The following SVIP variants were observed in gnomAD, a reference collection of about 807,000 sequenced individuals.
SVIP encodes small VCP/p97-interacting protein.
SVIP carries 14 observed loss-of-function variants against 12.9 expected under a neutral mutation model. The ratio of observed to expected loss-of-function variants is 1.08; its 90% confidence interval spans 0.72 to 1.70. SVIP has a LOEUF of 1.70. SVIP is among the 40% of genes most tolerant of loss of function. SVIP has a pLI of 0.00. For synonymous variants in SVIP, 35 were observed against 33.3 expected, an observed-to-expected ratio of 1.05 and a Z score of -0.17; for missense variants, 93 against 90.8, an observed-to-expected ratio of 1.02 and a Z score of -0.10.
intron 2 of SVIP, among the ~76,000 whole-genome samples, chr11:22,827,618 A>C (rs1468722107): frequency 2.6e-5 from 4 of 152,094 alleles, no homozygotes; most frequent in African/African-American, 9.7e-5. Context: ...AATTTAGAGA[A>C]GATATGATAG....
chr11:22,827,082 C>T, intron 3 of SVIP, 125 bp downstream of exon 3: 2 of 714,016 alleles, frequency 2.8e-6, no homozygotes, highest in South Asian at 1.7e-5. Flanking sequence ...ATTTACTACT[C>T]ATGCTTTTAA....
chr11:22,821,070 CACAT>C lies in SVIP; in HGVS notation c.*2045_*2048del, dbSNP rs1280345967. 2 of 148,272 alleles carry C rather than the reference CACAT, an allele frequency of 1.3e-5. No individual in the cohort carries two copies. Among genetic ancestry groups the C allele is most frequent in the African/African-American group, 4.9e-5 (2 of 40,448 alleles). 9.2% of individuals were successfully genotyped at this position (148,272 alleles called of 1,614,324 possible). ...GCATGTGTGTGTGTGTATATACACA[CACAT>C]ATATAAATTAGAATTTGCAGATATT... On this transcript the variant is annotated 3_prime_UTR_variant, in exon 4 of 4. Transcript: ENST00000354193.
At chr11:22,827,787 A>G (rs751536281) in intron 2 of SVIP, 37 bp downstream of exon 2, 72 of 1,544,464 alleles carry the variant, frequency 4.7e-5, no homozygotes, top group Non-Finnish European at 6.3e-5. Context: ...TCCAAACTCA[A>G]TTATCTAAGT....
At chr11:22,826,946 A>T (rs2134763394) in intron 3 of SVIP, among the ~76,000 whole-genome samples, 1 of 152,244 alleles carries the variant, frequency 6.6e-6, no homozygotes, top group Non-Finnish European at 1.5e-5. Context: ...ATTATTTAAG[A>T]TTAGTAGTAA....
At position 22,827,242 on chromosome 11, in the gene SVIP, C is replaced by A; in HGVS notation, c.184G>T (p.Ala62Ser). Residue 62 changes from alanine (A) to serine (S), a missense_variant, in exon 3 of 4, where the codon GCT (alanine) becomes TCT (serine). Physicochemically the swap from Ala to Ser is moderately conservative, Grantham distance 99. Coordinates refer to ENST00000354193, the MANE Select transcript of SVIP (RefSeq NM_148893.3). ...KKKEKIEKQI[A>S]TSGPPPEGGL... ...CCTTCTGGTGGGGGCCCGGATGTAG[C>A]AATTTGTTTTTCTATTTTTTCCTTT... 1 of 1,609,884 alleles carries A rather than the reference C, an allele frequency of 6.2e-7. No homozygotes were observed. Among genetic ancestry groups the A allele is most frequent in the African/African-American group, 1.3e-5 (1 of 74,520 alleles).
In SVIP at chr11:22,827,291, T is replaced by C; in HGVS notation, c.135A>G (p.Gln45=). 1 of 1,603,664 alleles carries C rather than the reference T, an allele frequency of 6.2e-7. No homozygotes were observed. The change falls in exon 3 of 4, where the codon CAA becomes CAG. Residue 45 remains glutamine, a synonymous_variant. Coordinates refer to ENST00000354193, the MANE Select transcript of SVIP (RefSeq NM_148893.3). ...TTTTCTTTCTCTTTTCTTGCACAGATTGAACATCTAAAATTCCCCGAGATG... is the reference window on the plus strand; with the variant it reads ...TTTTCTTTCTCTTTTCTTGCACAGACTGAACATCTAAAATTCCCCGAGATG... ...EAASRGILDV[Q]SVQEKRKKKE...
At chr11:22,827,169 C>A in intron 3 of SVIP, 38 bp downstream of exon 3, 1 of 1,476,904 alleles carries the variant, frequency 6.8e-7, no homozygotes, top group Non-Finnish European at 9.4e-7. Flanking sequence ...TTTTAAAATG[C>A]CAGTTAAGTT....
At chr11:22,828,516 A>G (rs1361442930) in intron 1 of SVIP, among the ~76,000 whole-genome samples, 1 of 152,194 alleles carries the variant, frequency 6.6e-6, no homozygotes. Context: ...GGCATGGCAG[A>G]TAAGTAATGG....
chr11:22,827,711 A>AT, intron 2 of SVIP, 113 bp downstream of exon 2: 1 of 653,926 alleles, frequency 1.5e-6, no homozygotes, highest in Non-Finnish European at 2.5e-6. Context: ...TTAAATGTAA[A>AT]TTTTTGGGAT....
chr11:22,826,581 G>A (rs2134761464), intron 3 of SVIP, among the ~76,000 whole-genome samples: 1 of 152,170 alleles, frequency 6.6e-6, no homozygotes, highest in South Asian at 2.1e-4. Context: ...TTAAAGTCCT[G>A]CTAGAGTGTA....
At chr11:22,827,443 G>T in intron 2 of SVIP, 123 bp from the exon 3 acceptor site, 1 of 761,432 alleles carries the variant, frequency 1.3e-6, no homozygotes, top group Non-Finnish European at 2.2e-6. Context: ...GTTTATTTTT[G>T]GTAACATAGA....
chr11:22,827,816 A>G lies in SVIP; in HGVS notation c.105+8T>C. The G allele has an allele frequency of 1.3e-6, 2 of 1,575,738 alleles. No individual in the cohort carries two copies. Among genetic ancestry groups the G allele is most frequent in the Non-Finnish European group, 1.7e-6 (2 of 1,162,726 alleles). Reference sequence around the variant, plus strand: ...TCTAAGTAGGCAAAACTTGATCTTTAATCTTACCTCTTTTTGTCTTCTCTC... The same window carrying G: ...TCTAAGTAGGCAAAACTTGATCTTTGATCTTACCTCTTTTTGTCTTCTCTC... On this transcript the variant is annotated splice_region_variant and intron_variant, in intron 2 of 3. Transcript: ENST00000354193.
At chr11:22,826,516 T>C (rs577807867) in intron 3 of SVIP, among the ~76,000 whole-genome samples, 2 of 152,312 alleles carry the variant, frequency 1.3e-5, no homozygotes, top group Middle Eastern at 6.8e-3. Flanking sequence ...GAATAAATTC[T>C]TAATATCTGA....
chr11:22,825,954 CTAGTGAAACAGCACTT>C lies in SVIP; in HGVS notation c.219+1237_219+1252del, dbSNP rs547776886. ...TTTGACAACCCTATATGAAGTAAAC[CTAGTGAAACAGCACTT>C]TATCTCAACAGAATATTGAGATATG... is the stretch of plus-strand genomic sequence containing the variant. On this transcript the variant is annotated intron_variant, in intron 3 of 3. Transcript: ENST00000354193. Among the ~76,000 whole-genome samples the C allele has an allele frequency of 8.7e-4, 133 of 152,100 alleles. No individual in the cohort carries two copies. The Middle Eastern group carries it at 0.014, about 16-fold the overall frequency.
chr11:22,828,410 T>A (rs1421101548), intron 1 of SVIP, among the ~76,000 whole-genome samples: 1 of 152,174 alleles, frequency 6.6e-6, no homozygotes, highest in African/African-American at 2.4e-5. Flanking sequence ...GATACAACAG[T>A]GTAAAAACAT....
intron 2 of SVIP, among the ~76,000 whole-genome samples, chr11:22,827,569 G>A (rs1857763778): frequency 6.6e-6 from 1 of 151,994 alleles, no homozygotes; most frequent in East Asian, 1.9e-4. Context: ...ACAATGCACA[G>A]CCATTTTAAA....
chr11:22,822,010 G>C lies in SVIP; in HGVS notation c.*1109C>G, dbSNP rs921547540. The C allele has an allele frequency of 1.3e-5, 2 of 152,098 alleles. No homozygotes were observed. Among genetic ancestry groups the C allele is most frequent in the African/African-American group, 4.8e-5 (2 of 41,430 alleles). 9.4% of individuals were successfully genotyped at this position (152,098 alleles called of 1,614,324 possible). The stretch of plus-strand genomic sequence containing the variant: ...CTTAATATCTGCAAATTTTAATTTA[G>C]GGCTCAACATGTGGCCTTGCCATTT... On this transcript the variant is annotated 3_prime_UTR_variant, in exon 4 of 4. Transcript: ENST00000354193.
intron 3 of SVIP, among the ~76,000 whole-genome samples, chr11:22,826,300 G>T (rs1857699827): frequency 6.6e-6 from 1 of 152,034 alleles, no homozygotes; most frequent in Middle Eastern, 3.2e-3. Context: ...CAAGTTACGA[G>T]AGTATCTACA....
At chr11:22,824,970 T>C (rs1322818216) in intron 3 of SVIP, among the ~76,000 whole-genome samples, 3 of 152,072 alleles carry the variant, frequency 2.0e-5, no homozygotes, top group Non-Finnish European at 4.4e-5. Context: ...TGATAGTACT[T>C]TGCATCCTGA....
Sources: gnomAD v4.1 joint callset for allele counts (sites outside exome capture counted in the v4.1 genomes callset) on GRCh38, gnomAD v4.1.1 for gene constraint, MANE v1.5 for transcripts, NCBI Gene and HGNC (gene_info 2026-07-23, HGNC 2026-07-21) for gene names.